SVIL: variants seen among roughly 807,000 people sequenced by gnomAD.
SVIL encodes supervillin.
A neutral mutation model predicts 240.4 loss-of-function variants in SVIL; 101 were observed. The ratio of observed to expected loss-of-function variants is 0.42; its 90% CI spans 0.36 to 0.50. The LOEUF is 0.50. Ranked by LOEUF, SVIL falls within the 20% of genes least tolerant of loss-of-function variation. SVIL has a pLI of 0.01. For missense variants in SVIL, 2,512 were observed against 2,818.7 expected, an observed-to-expected ratio of 0.89 and a Z score of 2.46; for synonymous variants, 999 against 1,100.0, an observed-to-expected ratio of 0.91 and a Z score of 1.82.
intron 1 of SVIL, among the ~76,000 whole-genome samples, chr10:29,576,569 A>G (rs777354436): frequency 2.7e-4 from 41 of 152,164 alleles, no homozygotes; most frequent in Non-Finnish European, 5.4e-4. Context: ...TATGAGTAGT[A>G]TATCTTTTTC....
intron 15 of SVIL, 25 bp from the exon 16 acceptor site, chr10:29,522,660 G>GCTCTTTTCT (rs1950637722): frequency 6.2e-7 from 1 of 1,607,202 alleles, no homozygotes; most frequent in Admixed American, 1.7e-5. Context: ...AGCAACATCA[G>GCTCTTTTCT]CACTGAACTC....
intron 27 of SVIL, chr10:29,483,853 A>G (rs994850235): frequency 2.6e-4 from 40 of 152,248 alleles, no homozygotes; most frequent in African/African-American, 9.6e-4. Flanking sequence ...TAGGCAGGAA[A>G]GTTGAAATTC....
chr10:29,570,625 G>T (rs1268777375), intron 1 of SVIL, among the ~76,000 whole-genome samples: 1 of 152,206 alleles, frequency 6.6e-6, no homozygotes, highest in Non-Finnish European at 1.5e-5. Flanking sequence ...AAATAATTTA[G>T]TATGTATAGC....
chr10:29,712,077 T>A (rs1018270463), intron 1 of SVIL: 5 of 152,198 alleles, frequency 3.3e-5, no homozygotes, highest in African/African-American at 1.2e-4. Context: ...ACTATCTATT[T>A]TGAGTGATGC....
At chr10:29,564,606 A>C (rs1954808811) in intron 2 of SVIL, among the ~76,000 whole-genome samples, 1 of 152,170 alleles carries the variant, frequency 6.6e-6, no homozygotes, top group Admixed American at 6.5e-5. Flanking sequence ...TGTAAGTGGG[A>C]CAATTGATAA....
intron 16 of SVIL, among the ~76,000 whole-genome samples, chr10:29,521,339 T>C (rs933819431): frequency 6.6e-6 from 1 of 151,992 alleles, no homozygotes. Flanking sequence ...GAGTGGTCAG[T>C]GAAGCCTGCA....
At chr10:29,531,439 C>T (rs1274952806) in intron 9 of SVIL, 151 bp from the exon 10 acceptor site, 8 of 780,556 alleles carry the variant, frequency 1.0e-5, no homozygotes, top group Non-Finnish European at 1.2e-5. Flanking sequence ...TGAAAACACA[C>T]ATACAGTTGT....
Position 29,586,863 on chromosome 10 carries a change from A to G in SVIL, c.-200-17551T>C, listed in dbSNP as rs374567431. On this transcript the variant is annotated intron_variant, in intron 1 of 37. Coordinates refer to ENST00000355867, the MANE Select transcript of SVIL (RefSeq NM_021738.3). The stretch of plus-strand genomic sequence containing the variant: ...TGATGAGAACACATGGACACATAGA[A>G]GGGAACAACACACACTGGGGCCTTT... Among the ~76,000 whole-genome samples the G allele has an allele frequency of 5.5e-4, 84 of 152,246 alleles. No homozygotes were observed. In the South Asian group the frequency reaches 9.1e-3, roughly 17 times the overall value.
chr10:29,489,145 G>C (rs1410358590), intron 22 of SVIL, among the ~76,000 whole-genome samples: 1 of 152,148 alleles, frequency 6.6e-6, no homozygotes. Flanking sequence ...CTGTTAGACC[G>C]CTTTCACCAA....
chr10:29,714,948 T>TAAAAAAAAAAAAAAAA, intron 1 of SVIL, among the ~76,000 whole-genome samples: 1 of 78,444 alleles, frequency 1.3e-5, no homozygotes, highest in East Asian at 3.3e-4. Context: ...TGTCTGAAAT[T>TAAAAAAAAAAAAAAAA]AAAAAAAAAA....
chr10:29,550,782 G>T lies in SVIL; in HGVS notation c.642C>A (p.Thr214=). Residue 214 remains threonine (T), a synonymous_variant, in exon 6 of 38, where the codon ACC becomes ACA. Transcript: ENST00000355867. ...NQRRGQELSA[T]RQAHDLSPAA... is the part of the protein sequence containing the mutation. ...CTGGGGACAGGTCATGGGCCTGCCG[G>T]GTGGCACTCAGCTCTTGACCTCGTC... is the stretch of plus-strand genomic sequence containing the variant. 1 of 1,614,144 alleles carries T rather than the reference G, an allele frequency of 6.2e-7. No individual in the cohort carries two copies. Among genetic ancestry groups the T allele is most frequent in the African/African-American group, 1.3e-5 (1 of 75,032 alleles).
intron 1 of SVIL, among the ~76,000 whole-genome samples, chr10:29,582,127 AG>A (rs1955969573): frequency 1.3e-5 from 2 of 152,180 alleles, no homozygotes; most frequent in African/African-American, 4.8e-5. Flanking sequence ...AGTTCTGGAG[AG>A]GGATGGTGGT....
intron 1 of SVIL, among the ~76,000 whole-genome samples, chr10:29,600,278 C>A (rs936009977): frequency 3.9e-5 from 6 of 152,174 alleles, no homozygotes; most frequent in African/African-American, 1.4e-4. Flanking sequence ...ATGACACAGA[C>A]TAGAAATCAC....
At chr10:29,705,092 A>G (rs1962795329) in intron 1 of SVIL, among the ~76,000 whole-genome samples, 1 of 152,280 alleles carries the variant, frequency 6.6e-6, no homozygotes, top group Admixed American at 6.5e-5. Flanking sequence ...AGTAATATAA[A>G]CCTTGAAGTA....
At chr10:29,488,532 C>T in intron 23 of SVIL, 69 bp downstream of exon 23, 2 of 1,440,048 alleles carry the variant, frequency 1.4e-6, no homozygotes, top group Non-Finnish European at 1.8e-6. Flanking sequence ...ATTACAGAGT[C>T]AGGACTCCGT....
chr10:29,581,675 T>C (rs1003075765), intron 1 of SVIL, among the ~76,000 whole-genome samples: 1 of 152,150 alleles, frequency 6.6e-6, no homozygotes, highest in Non-Finnish European at 1.5e-5. Context: ...TTCAAAAGAG[T>C]AATGTTAACA....
At chr10:29,493,442 C>T in intron 20 of SVIL, 51 bp from the exon 21 acceptor site, 1 of 1,588,992 alleles carries the variant, frequency 6.3e-7, no homozygotes, top group Non-Finnish European at 8.6e-7. Context: ...ACAAGGACTC[C>T]AATTATGCTT....
chr10:29,701,247 G>C (rs1962492112), intron 1 of SVIL, among the ~76,000 whole-genome samples: 1 of 152,006 alleles, frequency 6.6e-6, no homozygotes, highest in Non-Finnish European at 1.5e-5. Flanking sequence ...AGCACTAGAA[G>C]AAAGATGGTC....
chr10:29,734,211 C>G (rs1263369728), intron 1 of SVIL, among the ~76,000 whole-genome samples: 2 of 152,154 alleles, frequency 1.3e-5, no homozygotes, highest in African/African-American at 4.8e-5. Flanking sequence ...GGGGAGGAAA[C>G]CTTAGTTCTC....
Sources: allele counts gnomAD v4.1 joint callset (sites outside exome capture counted in the v4.1 genomes callset), GRCh38; gene constraint gnomAD v4.1.1; transcripts MANE v1.5; gene names NCBI Gene and HGNC (gene_info 2026-07-23, HGNC 2026-07-21).